The following SLC8A1 variants were observed in gnomAD, a reference collection of about 807,000 sequenced individuals.
SLC8A1 encodes the protein sodium/calcium exchanger 1.
SLC8A1 carries 18 observed loss-of-function variants against 68.3 expected under a neutral mutation model. The observed-to-expected ratio is 0.26, with a 90% CI of 0.18 to 0.39. SLC8A1 has a LOEUF of 0.39. Among genes scored for constraint, SLC8A1 ranks in the 10% least tolerant of loss-of-function variants. The pLI is 1.00. For synonymous variants in SLC8A1, 475 were observed against 415.5 expected (o/e 1.14, Z -1.74); for missense variants, 985 against 1,156.7 (o/e 0.85, Z 2.15).
At chr2:40,409,951 C>A (rs553147997) in intron 2 of SLC8A1, among the ~76,000 whole-genome samples, 1 of 150,326 alleles carries the variant, frequency 6.7e-6, no homozygotes, top group African/African-American at 2.5e-5. Context: ...GTTCTGTGAG[C>A]GAGTTTAAAA....
intron 1 of SLC8A1, among the ~76,000 whole-genome samples, chr2:40,499,495 A>G (rs2149934241): frequency 6.6e-6 from 1 of 152,248 alleles, no homozygotes; most frequent in South Asian, 2.1e-4. Flanking sequence ...GTTGTTCCCC[A>G]AGGAACAAGA....
At chr2:40,372,904 T>A (rs973451856) in intron 2 of SLC8A1, among the ~76,000 whole-genome samples, 6 of 151,962 alleles carry the variant, frequency 3.9e-5, no homozygotes, top group Admixed American at 1.3e-4. Flanking sequence ...AGTGAATGAA[T>A]AGAAGAGAAA....
At chr2:40,493,674 C>T (rs1221899367) in intron 1 of SLC8A1, among the ~76,000 whole-genome samples, 10 of 137,154 alleles carry the variant, frequency 7.3e-5, no homozygotes, top group Admixed American at 3.8e-4. Context: ...TTTTTTTCCA[C>T]GACAGAGTCT....
At chr2:40,115,515 G>C in exon 8 of SLC8A1, 1 of 1,614,180 alleles carries the variant, frequency 6.2e-7, no homozygotes, top group Middle Eastern at 1.6e-4. Context: ...GGCAGCGATG[G>C]ACCAGGCCAC....
At chr2:40,243,008 C>T (rs1189978463) in intron 2 of SLC8A1, among the ~76,000 whole-genome samples, 1 of 152,196 alleles carries the variant, frequency 6.6e-6, no homozygotes. Flanking sequence ...TCTGCCAAAT[C>T]ATTCATTCAT....
intron 5 of SLC8A1, among the ~76,000 whole-genome samples, chr2:40,163,928 A>T (rs1021486336): frequency 6.6e-6 from 1 of 152,230 alleles, no homozygotes; most frequent in Non-Finnish European, 1.5e-5. Flanking sequence ...AAAATCTGAA[A>T]CTTCTAAATT....
chr2:40,465,482 G>A (rs1438929414), intron 1 of SLC8A1, among the ~76,000 whole-genome samples: 1 of 152,126 alleles, frequency 6.6e-6, no homozygotes, highest in Non-Finnish European at 1.5e-5. Flanking sequence ...CTGTTAGCAA[G>A]CATTTATAGC....
At chr2:40,494,583 A>G (rs1705549212) in intron 1 of SLC8A1, among the ~76,000 whole-genome samples, 2 of 149,580 alleles carry the variant, frequency 1.3e-5, no homozygotes, top group East Asian at 2.0e-4. Flanking sequence ...GGTCACACAC[A>G]TATACATATG....
At chr2:40,404,215 T>C (rs10490045) in intron 2 of SLC8A1, among the ~76,000 whole-genome samples, 44,757 of 152,038 alleles carry the variant, frequency 0.29, 6,947 homozygotes, top group African/African-American at 0.37. Flanking sequence ...CTCTATAGCT[T>C]TTACACTTGT....
chr2:40,453,720 C>A (rs1402601440), upstream of SLC8A1, among the ~76,000 whole-genome samples: 1 of 152,210 alleles, frequency 6.6e-6, no homozygotes. Context: ...GCCAATACTC[C>A]TCAAACATGA....
intron 2 of SLC8A1, among the ~76,000 whole-genome samples, chr2:40,370,648 A>G (rs1677736177): frequency 6.6e-6 from 1 of 152,112 alleles, no homozygotes; most frequent in Admixed American, 6.6e-5. Context: ...TTAAATTGAC[A>G]AATGACACTA....
chr2:40,332,954 T>C (rs2076568319), intron 2 of SLC8A1, among the ~76,000 whole-genome samples: 1 of 152,252 alleles, frequency 6.6e-6, no homozygotes, highest in Admixed American at 6.5e-5. Flanking sequence ...TTAGCTAGAC[T>C]ATTTTCCTTT....
At chr2:40,185,895 G>T (rs527890170) in intron 2 of SLC8A1, among the ~76,000 whole-genome samples, 21 of 152,120 alleles carry the variant, frequency 1.4e-4, no homozygotes, top group Admixed American at 2.0e-4. Flanking sequence ...AATTTTGCTA[G>T]TACAGCCAAA....
At chr2:40,428,473 A>C in exon 2 of SLC8A1, 5 of 1,580,504 alleles carry the variant, frequency 3.2e-6, no homozygotes, top group Non-Finnish European at 4.3e-6. Context: ...TAGAACTTAC[A>C]CAATTTCATC....
chr2:40,154,606 T>C (rs377678), intron 6 of SLC8A1, among the ~76,000 whole-genome samples: 146,220 of 151,634 alleles, frequency 0.96, 70,747 homozygotes, highest in East Asian at 1. Context: ...GGATTACAGG[T>C]GTGAGCCACT....
chr2:40,357,647 A>C (rs980120371), intron 2 of SLC8A1, among the ~76,000 whole-genome samples: 2 of 152,154 alleles, frequency 1.3e-5, no homozygotes, highest in Non-Finnish European at 2.9e-5. Context: ...CTATGTAACA[A>C]ACCTGCACGT....
intron 2 of SLC8A1, among the ~76,000 whole-genome samples, chr2:40,307,886 A>T (rs992838431): frequency 2.0e-5 from 3 of 152,152 alleles, no homozygotes; most frequent in African/African-American, 7.2e-5. Flanking sequence ...CTGATTTTTG[A>T]TCATGTAACA....
chr2:40,405,027 G>A (rs181204597), intron 2 of SLC8A1, among the ~76,000 whole-genome samples: 6 of 152,266 alleles, frequency 3.9e-5, no homozygotes, highest in Admixed American at 2.6e-4. Context: ...GAACCACTGA[G>A]CAGGTCCATG....
Position 40,282,760 on chromosome 2 carries a change from A to G in SLC8A1, c.1809-104905T>C, listed in dbSNP as rs764222151. 3.2e-4 allele frequency among the ~76,000 whole-genome samples: 48 copies of G among 152,144 alleles called. 1 individual carries two copies. The highest frequency in any genetic ancestry group is 1.4e-3 in the Admixed American group (22 of 15,260). On this transcript the variant is annotated intron_variant, in intron 2 of 7. Coordinates refer to ENST00000406785, the Ensembl canonical transcript of SLC8A1. ...TTCTCTGTGTCCAGTCCTGCCCAGT[A>G]ACAGAGAACAGCTATTAAAAGTATC... is the stretch of plus-strand genomic sequence containing the variant.
Sources: allele counts gnomAD v4.1 joint callset (sites outside exome capture counted in the v4.1 genomes callset), GRCh38; gene constraint gnomAD v4.1.1; transcripts MANE v1.5; gene names NCBI Gene and HGNC (gene_info 2026-07-23, HGNC 2026-07-21).